Variants in OSBPL10 observed in about 807,000 individuals in gnomAD.
The protein encoded by OSBPL10 is oxysterol binding protein like 10, also known as oxysterol-binding protein-related protein 10.
Under a neutral mutation model 81.7 loss-of-function variants are expected in OSBPL10, and 49 were observed. The observed-to-expected ratio is 0.60, with a 90% CI of 0.48 to 0.76. The LOEUF (loss-of-function observed/expected upper bound fraction) is 0.76, where lower values mean the gene tolerates loss of function less well. Among genes scored for constraint, OSBPL10 ranks in the 30% least tolerant of loss-of-function variants. The probability of loss-of-function intolerance (pLI) is 0.00; values close to 1 mark genes in which losing one functional copy is unlikely to be tolerated. For synonymous variants in OSBPL10, 419 were observed against 383.6 expected (o/e 1.09, Z -1.08); for missense variants, 923 against 987.8 (o/e 0.93, Z 0.88).
Position 31,940,140 on chromosome 3 carries a change from C to T in OSBPL10, c.281+40759G>A, listed in dbSNP as rs566155230. Among the ~76,000 whole-genome samples, 7 of 152,324 alleles carry T rather than the reference C, an allele frequency of 4.6e-5. No homozygotes were observed. In the East Asian group the frequency reaches 1.3e-3, roughly 29 times the overall value. ...CTTACACAAGAAATGTTCACAACAA[C>T]TTTATTCATCAAAGCCAAAAACTAG... On this transcript the variant is annotated intron_variant, in intron 1 of 11. Transcript: ENST00000396556.
At chr3:31,747,103 G>A (rs1697549949) in intron 5 of OSBPL10, among the ~76,000 whole-genome samples, 1 of 152,176 alleles carries the variant, frequency 6.6e-6, no homozygotes, top group African/African-American at 2.4e-5. Flanking sequence ...GGGAGGCTGA[G>A]ACAGGTGGAT....
rs542004922 is a variant in OSBPL10, at chr3:31,733,243, G to A, written c.1095+14C>T. On this transcript the variant is annotated intron_variant, in intron 6 of 11. Coordinates refer to ENST00000396556, the MANE Select transcript of OSBPL10 (RefSeq NM_017784.5). ...ACACAAGCCATGAATGCACTGAGAG[G>A]ACTGCACGCTTACCTCTGGCTCTGG... The A allele has an allele frequency of 1.9e-6, 3 of 1,611,548 alleles. No individual in the cohort carries two copies. The highest frequency in any genetic ancestry group is 2.7e-5 in the African/African-American group (2 of 74,790).
intron 8 of OSBPL10, 50 bp downstream of exon 8, chr3:31,683,584 T>C (rs1700709147): frequency 3.2e-6 from 5 of 1,574,572 alleles, no homozygotes; most frequent in Non-Finnish European, 3.5e-6. Context: ...CTACCAGGTA[T>C]AGAAACGTCA....
intron 11 of OSBPL10, chr3:31,663,767 T>C (rs1358994639): frequency 2.4e-6 from 3 of 1,231,770 alleles, no homozygotes; most frequent in Admixed American, 7.6e-5. Flanking sequence ...TTTTTAAAAA[T>C]AGAACAGTAT....
At chr3:31,883,764 T>A (rs1695658317) in intron 1 of OSBPL10, among the ~76,000 whole-genome samples, 1 of 152,098 alleles carries the variant, frequency 6.6e-6, no homozygotes, top group Non-Finnish European at 1.5e-5. Flanking sequence ...CTTCAGGTGA[T>A]CCACCCGCCT....
intron 4 of OSBPL10, among the ~76,000 whole-genome samples, chr3:31,770,931 G>A (rs1698363273): frequency 6.6e-6 from 1 of 152,180 alleles, no homozygotes; most frequent in Non-Finnish European, 1.5e-5. Context: ...CTAGGAAGTG[G>A]CACAGTTTAG....
intron 11 of OSBPL10, chr3:31,662,605 G>T: frequency 1.0e-6 from 1 of 994,686 alleles, no homozygotes; most frequent in African/African-American, 1.7e-5. Flanking sequence ...AAAAAGGCAA[G>T]AATTAAAATG....
chr3:31,760,972 GTTT>G (rs199798359), intron 4 of OSBPL10, among the ~76,000 whole-genome samples: 53 of 146,188 alleles, frequency 3.6e-4, no homozygotes, highest in Non-Finnish European at 6.8e-4. Context: ...GAACTGCTAA[GTTT>G]TTTTTTTTTA....
intron 3 of OSBPL10, among the ~76,000 whole-genome samples, chr3:31,867,734 A>C (rs1701215171): frequency 6.8e-6 from 1 of 147,896 alleles, no homozygotes; most frequent in South Asian, 2.3e-4. Context: ...AGAGTAAGAC[A>C]AGAAGAAAGA....
At chr3:31,797,904 C>G (rs1206462813) in intron 4 of OSBPL10, 1 of 426,116 alleles carries the variant, frequency 2.3e-6, no homozygotes, top group Non-Finnish European at 4.8e-6. Context: ...TTCTAGCACT[C>G]TCAACCTGGA....
At chr3:31,879,086 A>T (rs1356417156) in intron 2 of OSBPL10, among the ~76,000 whole-genome samples, 1 of 151,924 alleles carries the variant, frequency 6.6e-6, no homozygotes, top group African/African-American at 2.4e-5. Context: ...GCAGGTATCC[A>T]TTTTCTTTTT....
intron 2 of OSBPL10, among the ~76,000 whole-genome samples, chr3:32,007,499 C>T (rs909406332): frequency 6.6e-6 from 1 of 152,148 alleles, no homozygotes; most frequent in African/African-American, 2.4e-5. Context: ...CAAAAAGAGA[C>T]TCCATCTCTT....
At chr3:31,833,985 G>A (rs1700313639) in intron 3 of OSBPL10, among the ~76,000 whole-genome samples, 1 of 151,998 alleles carries the variant, frequency 6.6e-6, no homozygotes, top group African/African-American at 2.4e-5. Flanking sequence ...CCATTAACTG[G>A]GGATTTTCAC....
intron 8 of OSBPL10, among the ~76,000 whole-genome samples, chr3:31,674,568 A>C (rs1345230556): frequency 6.7e-6 from 1 of 149,208 alleles, no homozygotes; most frequent in African/African-American, 2.5e-5. Flanking sequence ...TCAAATAGAT[A>C]GACAGATAGA....
chr3:31,852,997 A>C (rs1321653253), intron 3 of OSBPL10, among the ~76,000 whole-genome samples: 2 of 152,220 alleles, frequency 1.3e-5, no homozygotes, highest in Non-Finnish European at 1.5e-5. Context: ...CATAGTAGGC[A>C]GTTTATAAAT....
intron 3 of OSBPL10, among the ~76,000 whole-genome samples, chr3:31,875,578 A>G (rs1266908115): frequency 1.3e-5 from 2 of 150,550 alleles, no homozygotes; most frequent in Non-Finnish European, 3.0e-5. Flanking sequence ...AAAAAGCATT[A>G]TGAAGAAATT....
At chr3:32,044,261 TC>T (rs1559554272) in intron 2 of OSBPL10, among the ~76,000 whole-genome samples, 1 of 151,786 alleles carries the variant, frequency 6.6e-6, no homozygotes. Flanking sequence ...AATTTTGTGT[TC>T]CAAATCTATC....
At chr3:31,780,019 GTGGT>G (rs1333637561) in intron 4 of OSBPL10, among the ~76,000 whole-genome samples, 1 of 152,332 alleles carries the variant, frequency 6.6e-6, no homozygotes, top group Non-Finnish European at 1.5e-5. Context: ...TAGGCCAGGT[GTGGT>G]GGCTCACGCC....
rs1428015832 is a variant in OSBPL10, at chr3:31,965,469, ATATAT to A, written c.281+15425_281+15429del. 4.7e-5 allele frequency among the ~76,000 whole-genome samples: 5 copies of A among 106,000 alleles called. 1 individual carries two copies. The highest frequency in any genetic ancestry group is 7.5e-5 in the African/African-American group (2 of 26,760). 69.5% of individuals were successfully genotyped at this position (106,000 alleles called of 152,430 possible). A position where few individuals can be genotyped will look rare whatever the true frequency, so the allele number is the denominator to read the frequency against. ...TTATATAATATATAATTTATATAAT[ATATAT>A]TATATATTATCTATTTTATATAATA... On this transcript the variant is annotated intron_variant, in intron 1 of 11. Transcript: ENST00000396556.
Sources: allele counts gnomAD v4.1 joint callset (sites outside exome capture counted in the v4.1 genomes callset), GRCh38; gene constraint gnomAD v4.1.1; transcripts MANE v1.5; gene names NCBI Gene and HGNC (gene_info 2026-07-23, HGNC 2026-07-21).